ITPR2: variants seen among roughly 807,000 people sequenced by gnomAD.
ITPR2 encodes the protein inositol 1,4,5-trisphosphate-gated calcium channel ITPR2.
A neutral mutation model predicts 317.1 loss-of-function variants in ITPR2; 207 were observed. The observed-to-expected ratio is 0.65, with a 90% confidence interval of 0.58 to 0.73. The LOEUF (loss-of-function observed/expected upper bound fraction) is 0.73. Among genes scored for constraint, ITPR2 ranks in the 30% least tolerant of loss-of-function variants. The pLI, the probability that ITPR2 is intolerant of heterozygous loss-of-function variation, is 0.00. For missense variants in ITPR2, 2,613 were observed against 3,284.0 expected (o/e 0.80, Z 4.99); for synonymous variants, 1,156 against 1,149.1 (o/e 1.01, Z -0.12).
intron 1 of ITPR2, among the ~76,000 whole-genome samples, chr12:26,803,128 T>C (rs1175963659): frequency 2.0e-5 from 3 of 152,172 alleles, no homozygotes. Context: ...GAACTTATGT[T>C]TAACTAAAAA....
chr12:26,610,384 T>C (rs1029239821), intron 26 of ITPR2, among the ~76,000 whole-genome samples: 2 of 152,134 alleles, frequency 1.3e-5, no homozygotes, highest in African/African-American at 4.8e-5. Context: ...GGAAAAAAGA[T>C]CAGAAGCGGC....
chr12:26,389,608 T>C (rs1194919678), intron 54 of ITPR2, among the ~76,000 whole-genome samples: 2 of 152,140 alleles, frequency 1.3e-5, no homozygotes, highest in Admixed American at 6.5e-5. Flanking sequence ...ACCTTCAAAT[T>C]TTTGCTGAAA....
At chr12:26,512,184 T>TA (rs55699727) in intron 37 of ITPR2, among the ~76,000 whole-genome samples, 2,159 of 136,170 alleles carry the variant, frequency 0.016, 46 homozygotes, top group African/African-American at 0.052. Flanking sequence ...GCTACAAAGA[T>TA]AAAAAAAAAA....
intron 55 of ITPR2, among the ~76,000 whole-genome samples, chr12:26,354,281 A>G (rs1938567273): frequency 6.6e-6 from 1 of 152,018 alleles, no homozygotes; most frequent in Non-Finnish European, 1.5e-5. Flanking sequence ...CAAAAAAATA[A>G]ATAATAAAAT....
intron 9 of ITPR2, among the ~76,000 whole-genome samples, chr12:26,704,648 C>T (rs10842784): frequency 0.37 from 56,040 of 151,888 alleles, 11,618 homozygotes; most frequent in Non-Finnish European, 0.48. Context: ...CTGTTTCCTC[C>T]CCAAGAAAGC....
intron 54 of ITPR2, among the ~76,000 whole-genome samples, chr12:26,389,401 A>G (rs1330780174): frequency 6.6e-6 from 1 of 152,084 alleles, no homozygotes; most frequent in Non-Finnish European, 1.5e-5. Context: ...GCTAAATCCT[A>G]TGTGACTTGG....
At chr12:26,824,106 G>A (rs1950978236) in intron 1 of ITPR2, among the ~76,000 whole-genome samples, 1 of 152,114 alleles carries the variant, frequency 6.6e-6, no homozygotes. Flanking sequence ...AAACAACATA[G>A]CTTAGCCTAA....
chr12:26,747,521 C>T (rs1266612071), intron 2 of ITPR2, among the ~76,000 whole-genome samples: 2 of 152,236 alleles, frequency 1.3e-5, no homozygotes, highest in Admixed American at 1.3e-4. Context: ...GACGCCTCTT[C>T]ATGTTACTCA....
Position 26,833,063 on chromosome 12 carries a change from C to T in ITPR2, c.-282G>A. On this transcript the variant is annotated 5_prime_UTR_variant, in exon 1 of 57. Coordinates refer to ENST00000381340, the MANE Select transcript of ITPR2 (RefSeq NM_002223.4). Reference sequence around the variant, plus strand: ...CGCCGCCGCCTCCCCGGCAGGTTTCCTGTTCCTTTCTGAAGTTTTCTCTCC... The same window carrying T: ...CGCCGCCGCCTCCCCGGCAGGTTTCTTGTTCCTTTCTGAAGTTTTCTCTCC... 2.4e-6 allele frequency: 1 copy of T among 420,698 alleles called. No individual in the cohort carries two copies. Among genetic ancestry groups the T allele is most frequent in the Non-Finnish European group, 4.2e-6 (1 of 239,112 alleles). The allele number at this position is 420,698 out of a possible 1,614,324, so 26.1% of individuals were successfully genotyped here.
rs935984508 is a variant in ITPR2 at position 26,681,462 on chromosome 12, G to T, written c.1409+412C>A. Among the ~76,000 whole-genome samples, 6 of 152,010 alleles carry T rather than the reference G, an allele frequency of 3.9e-5. No individual in the cohort carries two copies. The South Asian group carries it at 1.0e-3, about 26-fold the overall frequency. ...TTTTTTTTTCTGGTTTTACATATCT[G>T]TTTATTTTGTGGTACCAGAGCTGAG... On this transcript the variant is annotated intron_variant, in intron 13 of 56. Coordinates refer to ENST00000381340, the MANE Select transcript of ITPR2 (RefSeq NM_002223.4).
At chr12:26,685,956 C>A (rs1028355030) in intron 11 of ITPR2, among the ~76,000 whole-genome samples, 1 of 152,140 alleles carries the variant, frequency 6.6e-6, no homozygotes, top group Non-Finnish European at 1.5e-5. Flanking sequence ...TATTACCTGA[C>A]CTTATATTAA....
intron 13 of ITPR2, among the ~76,000 whole-genome samples, chr12:26,675,677 C>G (rs61922688): frequency 0.18 from 26,951 of 151,332 alleles, 3,013 homozygotes; most frequent in Non-Finnish European, 0.26. Context: ...GCACATGTAC[C>G]CTAAAACTTA....
intron 34 of ITPR2, among the ~76,000 whole-genome samples, chr12:26,565,487 T>TAGAC (rs1167135034): frequency 1.7e-5 from 1 of 58,712 alleles, no homozygotes; most frequent in Non-Finnish European, 4.3e-5. Flanking sequence ...AGACAGATGA[T>TAGAC]AGATAGATAG....
intron 24 of ITPR2, 146 bp downstream of exon 24, chr12:26,624,153 A>G: frequency 1.7e-6 from 1 of 584,228 alleles, no homozygotes; most frequent in Non-Finnish European, 3.0e-6. Context: ...GTAAATTAGC[A>G]GCTTCATTTC....
intron 36 of ITPR2, among the ~76,000 whole-genome samples, chr12:26,551,367 C>A (rs574241543): frequency 6.6e-6 from 1 of 152,218 alleles, no homozygotes; most frequent in African/African-American, 2.4e-5. Context: ...GAACAGAGGC[C>A]CAGGGAGATA....
Position 26,371,725 on chromosome 12 carries a change from C to T in ITPR2, c.7857+15709G>A, listed in dbSNP as rs143062986. ...GGTACGGGGTTGGGTGTACGGGAACCGAGCCCTCTTGGTTTATGGATTGTC... is the reference window on the plus strand; with the variant it reads ...GGTACGGGGTTGGGTGTACGGGAACTGAGCCCTCTTGGTTTATGGATTGTC... On this transcript the variant is annotated intron_variant, in intron 55 of 56. Transcript: ENST00000381340. 6.6e-3 allele frequency among the ~76,000 whole-genome samples: 999 copies of T among 152,226 alleles called. 15 individuals are homozygous for T. The highest frequency in any genetic ancestry group is 0.022 in the African/African-American group (916 of 41,546).
intron 37 of ITPR2, among the ~76,000 whole-genome samples, chr12:26,504,961 A>C (rs1171811648): frequency 6.6e-6 from 1 of 152,164 alleles, no homozygotes; most frequent in Non-Finnish European, 1.5e-5. Context: ...ATGACAGGGA[A>C]AAAAAGGGAA....
At chr12:26,820,473 C>T (rs1417893482) in intron 1 of ITPR2, among the ~76,000 whole-genome samples, 1 of 151,942 alleles carries the variant, frequency 6.6e-6, no homozygotes, top group Non-Finnish European at 1.5e-5. Flanking sequence ...ACAGATGATA[C>T]ACAATGGATA....
At chr12:26,647,980 G>A (rs1221983185) in intron 21 of ITPR2, among the ~76,000 whole-genome samples, 2 of 152,010 alleles carry the variant, frequency 1.3e-5, no homozygotes, top group Non-Finnish European at 2.9e-5. Context: ...AAGCCATTGT[G>A]ACAGGGAGCA....
Sources: allele counts gnomAD v4.1 joint callset (sites outside exome capture counted in the v4.1 genomes callset), GRCh38; gene constraint gnomAD v4.1.1; transcripts MANE v1.5; gene names NCBI Gene and HGNC (gene_info 2026-07-23, HGNC 2026-07-21).